The following FAM13A variants were observed in gnomAD, a reference collection of about 807,000 sequenced individuals.
FAM13A encodes protein FAM13A.
In FAM13A, 76 loss-of-function variants were observed where a neutral mutation model predicts 129.6. That is an observed-to-expected ratio of 0.59 (90% CI 0.49 to 0.71). FAM13A has a LOEUF of 0.71. Ranked by LOEUF, FAM13A falls within the 30% of genes least tolerant of loss-of-function variation. The probability of loss-of-function intolerance (pLI) is 0.00; values close to 1 mark genes in which losing one functional copy is unlikely to be tolerated. For missense variants in FAM13A, 1,108 were observed against 1,249.3 expected (o/e 0.89, Z 1.70); for synonymous variants, 443 against 449.9 (o/e 0.98, Z 0.20).
At position 89,057,157 on chromosome 4, in the gene FAM13A, C is replaced by G. The variant is rs1001147538; in HGVS notation, c.-193G>C. 1.0e-5 allele frequency: 15 copies of G among 1,432,658 alleles called. No individual in the cohort carries two copies. The highest frequency in any genetic ancestry group is 2.9e-5 in the African/African-American group (2 of 69,234). 88.7% of individuals were successfully genotyped at this position (1,432,658 alleles called of 1,614,324 possible). On this transcript the variant is annotated 5_prime_UTR_variant, in exon 1 of 24. Coordinates refer to ENST00000264344, the MANE Select transcript of FAM13A (RefSeq NM_014883.4). ...GGTTTTGCTTCTCTTTCCGCTGAAC[C>G]CACATGGCTGGAAGGACTGCCTGGA...
Position 88,927,431 on chromosome 4 carries a change from G to GCC in FAM13A, c.759+10656_759+10657insGG, listed in dbSNP as rs750469329. ...TGACTTACTCTACTCCAATTTGGAT[G>GCC]TCTTTTTTTTTTTTAATCTTGCTTG... On this transcript the variant is annotated intron_variant, in intron 5 of 23. Coordinates refer to ENST00000264344, the MANE Select transcript of FAM13A (RefSeq NM_014883.4). 1.6e-3 allele frequency among the ~76,000 whole-genome samples: 206 copies of GCC among 132,366 alleles called. 2 individuals carry two copies. The highest frequency in any genetic ancestry group is 7.8e-3 in the Middle Eastern group (2 of 258). 86.8% of individuals were successfully genotyped at this position (132,366 alleles called of 152,430 possible). A position where few individuals can be genotyped will look rare whatever the true frequency, so the allele number is the denominator to read the frequency against.
At chr4:88,921,788 G>A (rs1751138367) in intron 5 of FAM13A, among the ~76,000 whole-genome samples, 1 of 152,168 alleles carries the variant, frequency 6.6e-6, no homozygotes, top group Non-Finnish European at 1.5e-5. Context: ...CCATCAGTGT[G>A]CTGTATTCAG....
chr4:88,734,820 T>G (rs529245434), intron 21 of FAM13A, among the ~76,000 whole-genome samples: 2 of 152,352 alleles, frequency 1.3e-5, no homozygotes, highest in African/African-American at 4.8e-5. Context: ...TGAGACACCC[T>G]ATCCTCAGAA....
At chr4:88,899,386 T>C (rs1746882637) in intron 6 of FAM13A, among the ~76,000 whole-genome samples, 1 of 151,934 alleles carries the variant, frequency 6.6e-6, no homozygotes, top group African/African-American at 2.4e-5. Context: ...GTGCAGTGTA[T>C]ACTGCTTGGG....
intron 6 of FAM13A, among the ~76,000 whole-genome samples, chr4:88,896,609 C>A (rs1746380961): frequency 6.6e-6 from 1 of 152,132 alleles, no homozygotes; most frequent in Non-Finnish European, 1.5e-5. Context: ...TGAATAAAAT[C>A]TCTTCTTAAA....
At chr4:88,980,298 GT>G (rs1404824064) in intron 4 of FAM13A, among the ~76,000 whole-genome samples, 2 of 152,178 alleles carry the variant, frequency 1.3e-5, no homozygotes, top group African/African-American at 4.8e-5. Context: ...AATAATGGAT[GT>G]TTTTTATCTT....
intron 4 of FAM13A, among the ~76,000 whole-genome samples, chr4:88,977,323 T>C (rs751273896): frequency 3.3e-5 from 5 of 152,110 alleles, no homozygotes; most frequent in Non-Finnish European, 7.4e-5. Context: ...ACAGAGTGGA[T>C]ATGATGTGCA....
intron 3 of FAM13A, chr4:89,008,970 T>C (rs1160230648): frequency 1.3e-5 from 2 of 152,162 alleles, no homozygotes; most frequent in Non-Finnish European, 2.9e-5. Flanking sequence ...ACTCATCCAT[T>C]TAAAATGAAC....
intron 1 of FAM13A, among the ~76,000 whole-genome samples, chr4:89,030,053 C>A (rs1451281432): frequency 6.6e-6 from 1 of 151,344 alleles, no homozygotes; most frequent in East Asian, 1.9e-4. Context: ...GTCTCGGTGT[C>A]ATTTTAAGGT....
intron 4 of FAM13A, among the ~76,000 whole-genome samples, chr4:88,971,362 C>T (rs1442927974): frequency 6.6e-6 from 1 of 152,168 alleles, no homozygotes; most frequent in African/African-American, 2.4e-5. Flanking sequence ...TTTTCGTTTT[C>T]ATTCAAGCAT....
chr4:88,972,140 T>C (rs1046693955), intron 4 of FAM13A, among the ~76,000 whole-genome samples: 3 of 152,088 alleles, frequency 2.0e-5, no homozygotes, highest in African/African-American at 7.2e-5. Flanking sequence ...CCTAACTCAT[T>C]CCTTCTGATG....
chr4:89,042,214 T>C (rs564281083), intron 1 of FAM13A, among the ~76,000 whole-genome samples: 23 of 151,764 alleles, frequency 1.5e-4, no homozygotes, highest in Non-Finnish European at 2.6e-4. Context: ...CAATGACCAA[T>C]AGCCATGCTG....
intron 3 of FAM13A, among the ~76,000 whole-genome samples, chr4:88,992,369 C>T (rs745894654): frequency 2.0e-5 from 3 of 151,706 alleles, no homozygotes; most frequent in South Asian, 2.1e-4. Context: ...TGGGTTCAAG[C>T]GATTCTCCTG....
At chr4:88,874,597 C>G (rs1742043175) in intron 6 of FAM13A, among the ~76,000 whole-genome samples, 1 of 152,076 alleles carries the variant, frequency 6.6e-6, no homozygotes, top group Non-Finnish European at 1.5e-5. Flanking sequence ...CGTGAAGGAC[C>G]TTTTCAAGGA....
intron 3 of FAM13A, among the ~76,000 whole-genome samples, chr4:89,011,207 C>T (rs1030076683): frequency 6.7e-6 from 1 of 149,270 alleles, no homozygotes; most frequent in East Asian, 1.9e-4. Flanking sequence ...CTGTCTGTCT[C>T]TGGTAACCTT....
At chr4:89,031,512 A>T (rs1258152003) in intron 1 of FAM13A, among the ~76,000 whole-genome samples, 1 of 152,196 alleles carries the variant, frequency 6.6e-6, no homozygotes, top group East Asian at 1.9e-4. Flanking sequence ...TTTGTATGTC[A>T]TAGAAATGTA....
At chr4:88,729,582 GCAAGGAA>G (rs1200735089) in intron 23 of FAM13A, 1 of 152,178 alleles carries the variant, frequency 6.6e-6, no homozygotes, top group Non-Finnish European at 1.5e-5. Flanking sequence ...AGAGGGCAGG[GCAAGGAA>G]CAGGTGCTCA....
At chr4:88,827,097 C>G (rs1167640878) in intron 7 of FAM13A, among the ~76,000 whole-genome samples, 1 of 152,202 alleles carries the variant, frequency 6.6e-6, no homozygotes, top group East Asian at 1.9e-4. Context: ...ACCTTTACCA[C>G]TTTTCCAAAA....
At chr4:88,922,804 C>CA (rs1398403362) in intron 5 of FAM13A, among the ~76,000 whole-genome samples, 70 of 151,806 alleles carry the variant, frequency 4.6e-4, no homozygotes, top group African/African-American at 1.6e-3. Flanking sequence ...AGACCGCTAG[C>CA]AGACTAATAA....
Sources: allele counts gnomAD v4.1 joint callset (sites outside exome capture counted in the v4.1 genomes callset), GRCh38; gene constraint gnomAD v4.1.1; transcripts MANE v1.5; gene names NCBI Gene and HGNC (gene_info 2026-07-23, HGNC 2026-07-21).